ANKDD1A: variants seen among roughly 807,000 people sequenced by gnomAD.
ANKDD1A encodes the protein ankyrin repeat and death domain containing 1A, also known as ankyrin repeat and death domain-containing protein 1A.
A neutral mutation model predicts 63.5 loss-of-function variants in ANKDD1A; 59 were observed. The observed-to-expected ratio is 0.93, with a 90% confidence interval of 0.75 to 1.15. ANKDD1A has a LOEUF of 1.15. Among genes scored for constraint, ANKDD1A ranks in the 50% most tolerant of loss-of-function variants. ANKDD1A has a pLI of 0.00. For synonymous variants in ANKDD1A, 266 were observed against 263.9 expected (o/e 1.01, Z -0.08); for missense variants, 632 against 656.4 (o/e 0.96, Z 0.41).
At chr15:64,923,627 G>A (rs2085024028) in intron 4 of ANKDD1A, among the ~76,000 whole-genome samples, 1 of 152,184 alleles carries the variant, frequency 6.6e-6, no homozygotes, top group Admixed American at 6.5e-5. Flanking sequence ...AAGCATTTGG[G>A]TTGGAAAATC....
At chr15:64,952,645 C>CTTT (rs2085315551) in intron 14 of ANKDD1A, among the ~76,000 whole-genome samples, 3 of 118,072 alleles carry the variant, frequency 2.5e-5, no homozygotes, top group Non-Finnish European at 5.5e-5. Context: ...TTCTTCTTCT[C>CTTT]CTTCTCCTTC....
intron 3 of ANKDD1A, among the ~76,000 whole-genome samples, chr15:64,920,742 C>A (rs2085001867): frequency 6.6e-6 from 1 of 151,944 alleles, no homozygotes; most frequent in Non-Finnish European, 1.5e-5. Flanking sequence ...AGAGACAGGT[C>A]TCATTATATT....
chr15:64,930,845 G>C lies in ANKDD1A; in HGVS notation c.594G>C (p.Leu198=). ...KDKEGNTALH[L]AAGRGHMAVL... The stretch of plus-strand genomic sequence containing the variant: ...AGGAGGGGAACACTGCCCTTCATCT[G>C]GCTGCTGGTCGGGGCCATATGGCTG... The change falls in exon 7 of 15, where the codon CTG becomes CTC. Residue 198 remains leucine, a synonymous_variant. Transcript: ENST00000319580. The C allele has an allele frequency of 1.2e-6, 2 of 1,613,044 alleles. No individual in the cohort carries two copies. The highest frequency in any genetic ancestry group is 3.3e-5 in the Admixed American group (2 of 60,002).
intron 9 of ANKDD1A, among the ~76,000 whole-genome samples, chr15:64,936,129 A>G (rs2085130166): frequency 6.6e-6 from 1 of 152,186 alleles, no homozygotes; most frequent in Non-Finnish European, 1.5e-5. Context: ...TCTTACAGCT[A>G]AAACAAGTAC....
At chr15:64,934,804 A>C (rs2085116073) in intron 9 of ANKDD1A, among the ~76,000 whole-genome samples, 1 of 151,866 alleles carries the variant, frequency 6.6e-6, no homozygotes, top group Non-Finnish European at 1.5e-5. Context: ...GGCATGAGTC[A>C]CTGTGCCAAG....
At chr15:64,916,241 A>G (rs1482133201) in intron 2 of ANKDD1A, among the ~76,000 whole-genome samples, 1 of 152,178 alleles carries the variant, frequency 6.6e-6, no homozygotes, top group African/African-American at 2.4e-5. Flanking sequence ...AAAGAGGAGG[A>G]CAGACATCAC....
chr15:64,914,581 A>G (rs2084955840), intron 1 of ANKDD1A, among the ~76,000 whole-genome samples: 1 of 152,246 alleles, frequency 6.6e-6, no homozygotes, highest in Non-Finnish European at 1.5e-5. Flanking sequence ...CGCATGAGCC[A>G]CCATGCCTGG....
At chr15:64,920,110 C>G (rs2084998038) in intron 3 of ANKDD1A, 1 of 152,208 alleles carries the variant, frequency 6.6e-6, no homozygotes, top group East Asian at 1.9e-4. Flanking sequence ...CACAAAGGCT[C>G]CTGGTGGAGC....
intron 9 of ANKDD1A, among the ~76,000 whole-genome samples, chr15:64,941,410 CA>C (rs1380814074): frequency 1.3e-5 from 2 of 152,154 alleles, no homozygotes; most frequent in African/African-American, 4.8e-5. Flanking sequence ...ATGGTACCAG[CA>C]TCTTGTAAGG....
intron 3 of ANKDD1A, among the ~76,000 whole-genome samples, chr15:64,918,354 A>T (rs1259498705): frequency 6.6e-6 from 1 of 152,244 alleles, no homozygotes; most frequent in African/African-American, 2.4e-5. Flanking sequence ...CTCTGCTCCC[A>T]GGCCTCACTA....
Position 64,956,789 on chromosome 15 carries a change from G to C in ANKDD1A, c.1484-314G>C, listed in dbSNP as rs930526391. On this transcript the variant is annotated intron_variant, in intron 14 of 14. Coordinates refer to ENST00000319580, the MANE Select transcript of ANKDD1A (RefSeq NM_182703.6). ...GCTGGTCTTGAACTCCTGACCTAAG[G>C]TGACCCATCCACCTCAGCCTCCCAA... Among the ~76,000 whole-genome samples the C allele has an allele frequency of 3.3e-5, 5 of 152,238 alleles. No homozygotes were observed. In the East Asian group the frequency reaches 9.7e-4, roughly 29 times the overall value.
intron 14 of ANKDD1A, among the ~76,000 whole-genome samples, chr15:64,952,440 T>TTTC (rs201160947): frequency 1.7e-4 from 25 of 148,560 alleles, no homozygotes; most frequent in Middle Eastern, 3.2e-3. Flanking sequence ...CTCCTCCTCC[T>TTTC]TTCTTCTTCT....
chr15:64,919,995 T>C (rs1200954399), intron 3 of ANKDD1A: 1 of 152,374 alleles, frequency 6.6e-6, no homozygotes, highest in Non-Finnish European at 1.5e-5. Context: ...CCTCTGAGTT[T>C]CACCTTTTGC....
rs1392093037 is a variant in ANKDD1A at position 64,953,538 on chromosome 15, C to T, written c.1484-3565C>T. On this transcript the variant is annotated intron_variant, in intron 14 of 14. Transcript: ENST00000319580. ...TTCTCCTTCTTCCTTCTTCTCCTCT[C>T]CTTCTTCCTTCTCCTTCTTTCTTCC... Among the ~76,000 whole-genome samples, 276 of 124,684 alleles carry T rather than the reference C, an allele frequency of 2.2e-3. 4 individuals carry two copies. Among genetic ancestry groups the T allele is most frequent in the African/African-American group, 7.0e-3 (225 of 31,958 alleles). 81.8% of individuals were successfully genotyped at this position (124,684 alleles called of 152,430 possible).
In ANKDD1A at chr15:64,938,444, TC is replaced by T. The variant is rs1226878960; in HGVS notation, c.868-4021del. 5.3e-5 allele frequency among the ~76,000 whole-genome samples: 8 copies of T among 152,194 alleles called. No homozygotes were observed. In the East Asian group the frequency reaches 1.5e-3, roughly 29 times the overall value. On this transcript the variant is annotated intron_variant, in intron 9 of 14. Transcript: ENST00000319580. ...TTATCTCTGTAATCCTCCCCCAAAC[TC>T]CTAACCCCAGTCTAATTCCGAGAAC...
intron 9 of ANKDD1A, among the ~76,000 whole-genome samples, chr15:64,935,247 T>A (rs1003775288): frequency 1.2e-4 from 16 of 133,912 alleles, no homozygotes; most frequent in Non-Finnish European, 2.1e-4. Flanking sequence ...AAAAAAAAAT[T>A]GGGTTGGGCA....
In ANKDD1A at chr15:64,947,593, G is replaced by A; in HGVS notation, c.1351G>A (p.Gly451Ser). The A allele has an allele frequency of 6.2e-7, 1 of 1,613,686 alleles. No homozygotes were observed. The highest frequency in any genetic ancestry group is 8.5e-7 in the Non-Finnish European group (1 of 1,179,850). Residue 451 changes from glycine (G) to serine (S), a missense_variant and splice_region_variant, in exon 13 of 15, where the codon GGC becomes AGC. By Grantham distance (56) the Gly-to-Ser change is moderately conservative (BLOSUM62 0). Transcript: ENST00000319580. ...HVDAIEQQWTGTRSYQEHGHR... is the reference protein window; with the variant it reads ...HVDAIEQQWTSTRSYQEHGHR... ...CGACGCCATCGAGCAACAGTGGACA[G>A]GTACCACCTTGCCTCTCCTCGCCCT... is the stretch of plus-strand genomic sequence containing the variant.
intron 2 of ANKDD1A, 56 bp downstream of exon 2, chr15:64,915,956 A>G: frequency 3.3e-6 from 5 of 1,525,624 alleles, no homozygotes; most frequent in Non-Finnish European, 4.5e-6. Context: ...CGATAATGCC[A>G]GTACACAGGG....
At chr15:64,934,261 G>C in intron 9 of ANKDD1A, 27 bp downstream of exon 9, 1 of 1,592,406 alleles carries the variant, frequency 6.3e-7, no homozygotes, top group Non-Finnish European at 8.6e-7. Flanking sequence ...TGTTGAAGGG[G>C]GTCTCCATTG....
Sources: gnomAD v4.1 joint callset for allele counts (sites outside exome capture counted in the v4.1 genomes callset) on GRCh38, gnomAD v4.1.1 for gene constraint, MANE v1.5 for transcripts, NCBI Gene and HGNC (gene_info 2026-07-23, HGNC 2026-07-21) for gene names.